MIOS: variants seen among roughly 807,000 people sequenced by gnomAD.
MIOS encodes GATOR2 complex protein MIOS.
A neutral mutation model predicts 96.9 loss-of-function variants in MIOS; 52 were observed. That is an observed-to-expected ratio of 0.54 (90% CI 0.43 to 0.68). MIOS has a LOEUF of 0.68. Ranked by LOEUF, MIOS falls within the 30% of genes least tolerant of loss-of-function variation. The pLI is 0.00. For missense variants in MIOS, 1,005 were observed against 1,052.8 expected, an observed-to-expected ratio of 0.95 and a Z score of 0.63; for synonymous variants, 397 against 359.5, an observed-to-expected ratio of 1.10 and a Z score of -1.18.
intron 9 of MIOS, among the ~76,000 whole-genome samples, chr7:7,593,107 C>T (rs1301027465): frequency 1.3e-5 from 2 of 152,156 alleles, no homozygotes; most frequent in Non-Finnish European, 2.9e-5. Flanking sequence ...TAGTTTATCC[C>T]CTTCTTGCCA....
chr7:7,583,697 A>T (rs1211324731), intron 6 of MIOS, among the ~76,000 whole-genome samples: 3 of 151,840 alleles, frequency 2.0e-5, no homozygotes, highest in Non-Finnish European at 4.4e-5. Flanking sequence ...TTTCTTAAAG[A>T]TTAGGGCTAC....
chr7:7,585,942 G>T, intron 7 of MIOS, 137 bp downstream of exon 7: 1 of 771,058 alleles, frequency 1.3e-6, no homozygotes, highest in Non-Finnish European at 1.9e-6. Context: ...AGGCATCTTG[G>T]GCTTTTTTTT....
In MIOS at chr7:7,566,891, A is replaced by G. The variant is rs919024196; in HGVS notation, c.-402A>G. The G allele has an allele frequency of 3.9e-5, 6 of 152,130 alleles. No individual in the cohort carries two copies. Among genetic ancestry groups the G allele is most frequent in the African/African-American group, 1.4e-4 (6 of 41,434 alleles). 9.4% of individuals were successfully genotyped at this position (152,130 alleles called of 1,614,324 possible). A position where few individuals can be genotyped will look rare whatever the true frequency, so the allele number is the denominator to read the frequency against. On this transcript the variant is annotated 5_prime_UTR_variant, in exon 1 of 13. Transcript: ENST00000340080. ...GCTCGCGCTGGGAAACTCCCCTTCC[A>G]AGGCCGAGGCGCCGCTGCGCGTCCT... is the stretch of plus-strand genomic sequence containing the variant.
rs182118213 is a variant in MIOS at position 7,582,213 on chromosome 7, G to C, written c.1394-905G>C. 2.7e-3 allele frequency among the ~76,000 whole-genome samples: 406 copies of C among 152,152 alleles called. 6 individuals are homozygous for C. Among genetic ancestry groups the C allele is most frequent in the Admixed American group, 9.9e-3 (151 of 15,296 alleles). ...GGTAAATTACTACAAAAAATAAAAA[G>C]TTGGTAATGTTGGACATTCATGTTG... On this transcript the variant is annotated intron_variant, in intron 5 of 12. Coordinates refer to ENST00000340080, the MANE Select transcript of MIOS (RefSeq NM_019005.4).
intron 11 of MIOS, 82 bp from the exon 12 acceptor site, chr7:7,605,860 C>A: frequency 7.4e-7 from 1 of 1,353,332 alleles, no homozygotes; most frequent in Non-Finnish European, 1.0e-6. Flanking sequence ...ATTTGGAACA[C>A]AGTTTTAGAA....
chr7:7,581,360 A>G (rs1384946427), intron 5 of MIOS, among the ~76,000 whole-genome samples: 2 of 152,164 alleles, frequency 1.3e-5, no homozygotes, highest in African/African-American at 4.8e-5. Context: ...ACAAGTTTTT[A>G]ATATTTTCTT....
intron 9 of MIOS, among the ~76,000 whole-genome samples, chr7:7,591,589 A>G (rs1784050436): frequency 6.6e-6 from 1 of 151,944 alleles, no homozygotes; most frequent in South Asian, 2.1e-4. Context: ...CTAAATTCTG[A>G]TTTTTAATGT....
chr7:7,571,668 G>C (rs1326579097), intron 3 of MIOS, among the ~76,000 whole-genome samples: 1 of 152,182 alleles, frequency 6.6e-6, no homozygotes, highest in Non-Finnish European at 1.5e-5. Context: ...ACATTGTGTA[G>C]ATGAGAAAAC....
intron 3 of MIOS, among the ~76,000 whole-genome samples, chr7:7,569,164 G>T (rs746374821): frequency 4.1e-4 from 62 of 152,308 alleles, no homozygotes; most frequent in Non-Finnish European, 5.0e-4. Flanking sequence ...CTTTGTGGGG[G>T]TATGAGTATG....
At chr7:7,578,577 C>T (rs778285919) in intron 5 of MIOS, among the ~76,000 whole-genome samples, 2 of 151,990 alleles carry the variant, frequency 1.3e-5, no homozygotes, top group Non-Finnish European at 2.9e-5. Flanking sequence ...CTTCAAGGGG[C>T]AAAATAGCTA....
intron 11 of MIOS, among the ~76,000 whole-genome samples, chr7:7,601,008 T>C (rs559997966): frequency 5.8e-4 from 88 of 152,252 alleles, no homozygotes; most frequent in South Asian, 3.9e-3. Flanking sequence ...AAAGATGTTC[T>C]TTGAAACCAA....
chr7:7,593,972 C>T (rs1202815918), intron 9 of MIOS, among the ~76,000 whole-genome samples: 1 of 149,056 alleles, frequency 6.7e-6, no homozygotes, highest in Non-Finnish European at 1.5e-5. Flanking sequence ...AGGGAAAATA[C>T]AACTTTAGGA....
chr7:7,579,142 A>G (rs575062093), intron 5 of MIOS, among the ~76,000 whole-genome samples: 1 of 152,360 alleles, frequency 6.6e-6, no homozygotes, highest in Admixed American at 6.5e-5. Context: ...GGTACATAAC[A>G]TGCATAAATA....
Position 7,605,297 on chromosome 7 carries a change from A to ATT in MIOS, c.2402-631_2402-630dup, listed in dbSNP as rs67440097. On this transcript the variant is annotated intron_variant, in intron 11 of 12. Transcript: ENST00000340080. ...ATGAGAATTACCTGTCCCTTGATAGATTTTTTTTTTTTTTTGAGACAAAGT... is the reference window on the plus strand; with the variant it reads ...ATGAGAATTACCTGTCCCTTGATAGATTTTTTTTTTTTTTTTTGAGACAAAGT... The ATT allele has an allele frequency of 1.2e-3, 175 of 145,824 alleles. 1 individual carries two copies. Among genetic ancestry groups the ATT allele is most frequent in the East Asian group, 1.8e-3 (9 of 4,986 alleles). 9.0% of individuals were successfully genotyped at this position (145,824 alleles called of 1,614,324 possible). A position where few individuals can be genotyped will look rare whatever the true frequency, so the allele number is the denominator to read the frequency against.
At position 7,573,430 on chromosome 7, in the gene MIOS, C is replaced by A; in HGVS notation, c.955C>A (p.Gln319Lys). ...ACCCACAATAATTGAAAGAAGTGTG[C>A]AACCTTGTGACAATTACATTGCTTC... The part of the protein sequence containing the change: ...TEPTIIERSV[Q>K]PCDNYIASFA... Residue 319 changes from glutamine to lysine, a missense_variant, in exon 4 of 13, where the codon CAA becomes AAA. Gln to Lys is a moderately conservative substitution (Grantham distance 53). Around this residue, in one of 3 missense-constraint regions of MIOS, gnomAD observed 865 missense variants for 887.9 expected, o/e 0.97. Transcript: ENST00000340080. This position sits in a 1 kb window ranked among gnomAD's most constrained non-coding sequence, Gnocchi z 5.0. 6.2e-7 allele frequency: 1 copy of A among 1,614,120 alleles called. No individual in the cohort carries two copies. The highest frequency in any genetic ancestry group is 8.5e-7 in the Non-Finnish European group (1 of 1,179,968).
intron 11 of MIOS, among the ~76,000 whole-genome samples, chr7:7,603,597 C>T (rs987048588): frequency 6.6e-6 from 1 of 152,162 alleles, no homozygotes; most frequent in African/African-American, 2.4e-5. Flanking sequence ...AATAGGAACA[C>T]TTTTACACTG....
chr7:7,577,535 A>C (rs1783576123), intron 5 of MIOS, among the ~76,000 whole-genome samples: 1 of 152,222 alleles, frequency 6.6e-6, no homozygotes, highest in African/African-American at 2.4e-5. Flanking sequence ...TAATTTAAGC[A>C]TGTTTAAATG....
chr7:7,597,490 AT>A (rs1298822908), intron 11 of MIOS, among the ~76,000 whole-genome samples: 855 of 60,328 alleles, frequency 0.014, 149 homozygotes, highest in African/African-American at 0.045. Flanking sequence ...ATATATATAT[AT>A]ATATATATAT....
At chr7:7,588,815 A>G (rs1783964710) in intron 8 of MIOS, among the ~76,000 whole-genome samples, 1 of 152,162 alleles carries the variant, frequency 6.6e-6, no homozygotes, top group Non-Finnish European at 1.5e-5. Flanking sequence ...TAAAGATGTT[A>G]AACTCACCTC....
Sources: allele counts gnomAD v4.1 joint callset (sites outside exome capture counted in the v4.1 genomes callset), GRCh38; gene constraint gnomAD v4.1.1; regional missense constraint gnomAD v4.1.1; non-coding constraint Gnocchi (gnomAD v3.1); transcripts MANE v1.5; gene names NCBI Gene and HGNC (gene_info 2026-07-23, HGNC 2026-07-21).